CCDC57: variants seen among roughly 807,000 people sequenced by gnomAD.
CCDC57 encodes coiled-coil domain-containing protein 57.
Under a neutral mutation model 118.9 loss-of-function variants are expected in CCDC57, and 118 were observed. That is an observed-to-expected ratio of 0.99 (90% CI 0.86 to 1.16). CCDC57 has a LOEUF of 1.16. Among genes scored for constraint, CCDC57 ranks in the 50% most tolerant of loss-of-function variants. The pLI is 0.00. For missense variants in CCDC57, 1,300 were observed against 1,320.7 expected (o/e 0.98, Z 0.24); for synonymous variants, 527 against 532.9 (o/e 0.99, Z 0.15).
chr17:82,111,616 T>G (rs532304038), intron 19 of CCDC57, among the ~76,000 whole-genome samples: 1 of 152,158 alleles, frequency 6.6e-6, no homozygotes, highest in East Asian at 1.9e-4. Flanking sequence ...GTTTTTTGTT[T>G]TTGTTTTTTG....
At chr17:82,182,895 A>G (rs2046386343) in intron 9 of CCDC57, among the ~76,000 whole-genome samples, 1 of 151,918 alleles carries the variant, frequency 6.6e-6, no homozygotes, top group Non-Finnish European at 1.5e-5. Context: ...CATGTTGGCC[A>G]GGCTGGTCTC....
intron 19 of CCDC57, among the ~76,000 whole-genome samples, chr17:82,117,229 A>G (rs757022268): frequency 6.6e-6 from 1 of 151,938 alleles, no homozygotes; most frequent in Non-Finnish European, 1.5e-5. Context: ...GGCGCACGCC[A>G]TAACCCCAAC....
chr17:82,116,161 A>G (rs1165738787), intron 19 of CCDC57, among the ~76,000 whole-genome samples: 1 of 149,540 alleles, frequency 6.7e-6, no homozygotes, highest in East Asian at 2.0e-4. Context: ...ACAAATATAA[A>G]TTTCAAAAGA....
At chr17:82,137,805 C>T (rs2145492530) in intron 16 of CCDC57, among the ~76,000 whole-genome samples, 1 of 151,484 alleles carries the variant, frequency 6.6e-6, no homozygotes. Context: ...TCCCGGGTAG[C>T]TGGGATTACA....
rs561516532 is a variant in CCDC57 at position 82,138,370 on chromosome 17, G to A, written c.2456-4176C>T. Among the ~76,000 whole-genome samples the A allele has an allele frequency of 6.6e-5, 10 of 151,476 alleles. No individual in the cohort carries two copies. The East Asian group carries it at 1.6e-3, about 24-fold the overall frequency. ...TCACCCTGTTAGCCAGGATGGTCTC[G>A]ATCTCCTGACCTCGTGATCTACCTG... is the stretch of plus-strand genomic sequence containing the variant. On this transcript the variant is annotated intron_variant, in intron 16 of 19. Transcript: ENST00000665763.
At chr17:82,158,039 C>G (rs536967099) in intron 14 of CCDC57, 91 bp from the exon 14 acceptor site, 2 of 1,465,448 alleles carry the variant, frequency 1.4e-6, no homozygotes, top group Admixed American at 4.8e-5. Flanking sequence ...CTGTGAGTGC[C>G]GGGAAAGAAC....
intron 19 of CCDC57, among the ~76,000 whole-genome samples, chr17:82,106,771 C>T (rs2034876805): frequency 6.6e-6 from 1 of 152,306 alleles, no homozygotes; most frequent in South Asian, 2.1e-4. Context: ...CTCGTGGTCT[C>T]TGTTGGCACT....
chr17:82,127,587 G>C (rs1337771050), intron 19 of CCDC57, 105 bp downstream of exon 18: 3 of 1,463,498 alleles, frequency 2.0e-6, no homozygotes, highest in Non-Finnish European at 1.8e-6. Flanking sequence ...GGGATTTCAG[G>C]GTGCAGGAGG....
At chr17:82,134,231 C>A in intron 16 of CCDC57, 37 bp from the exon 16 acceptor site, 1 of 1,280,098 alleles carries the variant, frequency 7.8e-7, no homozygotes, top group South Asian at 3.0e-5. Context: ...GTTCTCTGTG[C>A]ATCACTTCTG....
intron 13 of CCDC57, among the ~76,000 whole-genome samples, chr17:82,169,605 C>T (rs1449019587): frequency 1.3e-5 from 2 of 151,920 alleles, no homozygotes; most frequent in Admixed American, 6.6e-5. Flanking sequence ...CTGTCAAGCT[C>T]GGTGATGCTG....
rs1225931935 is a variant in CCDC57 at position 82,192,868 on chromosome 17, C to T, written c.851+888G>A. Among the ~76,000 whole-genome samples the T allele has an allele frequency of 6.6e-6, 1 of 152,116 alleles. No homozygotes were observed. The highest frequency in any genetic ancestry group is 2.4e-5 in the African/African-American group (1 of 41,416). ...TCAATAAAAAATGCAAGAAAAATCG[C>T]CTGAGTCACTGTCCATCGCCGTTGT... On this transcript the variant is annotated intron_variant, in intron 7 of 19. Coordinates refer to ENST00000665763, the Ensembl canonical transcript of CCDC57. This position sits in a 1 kb window ranked among gnomAD's most constrained non-coding sequence, Gnocchi z 4.0.
chr17:82,143,131 A>G (rs1046853600), intron 16 of CCDC57, among the ~76,000 whole-genome samples: 66 of 146,116 alleles, frequency 4.5e-4, no homozygotes, highest in African/African-American at 1.5e-3. Flanking sequence ...CTACAATGGC[A>G]ACAAGAGTGA....
chr17:82,112,216 T>C, intron 19 of CCDC57: 1 of 152,294 alleles, frequency 6.6e-6, no homozygotes, highest in South Asian at 2.1e-4. Context: ...TCAGGTGATC[T>C]GCCCACCTCG....
chr17:82,125,600 T>C (rs186217895), intron 19 of CCDC57, among the ~76,000 whole-genome samples: 11 of 152,198 alleles, frequency 7.2e-5, no homozygotes, highest in African/African-American at 1.9e-4. Flanking sequence ...GGTCTTGAAC[T>C]CCTGACCTCA....
In CCDC57 at chr17:82,181,518, A is replaced by G. The variant is rs148863426; in HGVS notation, c.1211+2256T>C. Among the ~76,000 whole-genome samples, 3 of 152,366 alleles carry G rather than the reference A, an allele frequency of 2.0e-5. No individual in the cohort carries two copies. The East Asian group carries it at 5.8e-4, about 29-fold the overall frequency. On this transcript the variant is annotated intron_variant, in intron 9 of 19. Transcript: ENST00000665763. The stretch of plus-strand genomic sequence containing the variant: ...CACAGCCAAAACCAGATGCTCGCCA[A>G]CATCATATTCACCATGTCTGACATC...
rs548959567 is a variant in CCDC57, at chr17:82,127,838, G to C, written c.2753C>G (p.Pro918Arg). 40 of 1,610,680 alleles carry C rather than the reference G, an allele frequency of 2.5e-5. No individual in the cohort carries two copies. In the Middle Eastern group the frequency reaches 5.0e-4, roughly 20 times the overall value. The change falls in exon 19 of 20, where the codon CCC becomes CGC. Residue 918 changes from proline (P) to arginine (R), a missense_variant. Transcript: ENST00000665763. ...CTCCTCAGGGTGCTGGGGAGCCTGG[G>C]GTGGCTTTGGGGACCTGTCTTCTTT...
chr17:82,159,735 G>A (rs538203699), intron 14 of CCDC57, among the ~76,000 whole-genome samples: 2 of 150,426 alleles, frequency 1.3e-5, no homozygotes, highest in South Asian at 2.1e-4. Flanking sequence ...GCAGTAGCGC[G>A]ATCTCAGCTC....
Position 82,128,528 on chromosome 17 carries a change from C to G in CCDC57, c.2647G>C (p.Val883Leu), listed in dbSNP as rs754635844. The G allele has an allele frequency of 4.5e-6, 7 of 1,572,862 alleles. No individual in the cohort carries two copies. The African/African-American group carries it at 5.4e-5, about 12-fold the overall frequency. The change falls in exon 18 of 20, where the codon GTG (valine) becomes CTG (leucine). Residue 883 changes from valine to leucine, a missense_variant. By Grantham distance (32) the Val-to-Leu change is conservative (BLOSUM62 1). Transcript: ENST00000665763. ...TGCAGGGCGTCAAGTCTGCTGCCCA[C>G]CTGTGCTGAGCGGGGCTGGTGCTTT... is the stretch of plus-strand genomic sequence containing the variant.
chr17:82,158,963 C>T (rs909191206), intron 14 of CCDC57, among the ~76,000 whole-genome samples: 7 of 152,148 alleles, frequency 4.6e-5, no homozygotes, highest in Non-Finnish European at 1.5e-5. Context: ...AGCAACCCTC[C>T]CACTGGGCTC....
Sources: gnomAD v4.1 joint callset for allele counts (sites outside exome capture counted in the v4.1 genomes callset) on GRCh38, gnomAD v4.1.1 for gene constraint, Gnocchi (gnomAD v3.1) non-coding constraint, MANE v1.5 for transcripts, NCBI Gene and HGNC (gene_info 2026-07-23, HGNC 2026-07-21) for gene names.